The following DDX60L variants were observed in gnomAD, a reference collection of about 807,000 sequenced individuals.
DDX60L encodes the protein probable ATP-dependent RNA helicase DDX60-like.
Under a neutral mutation model 211.6 loss-of-function variants are expected in DDX60L, and 191 were observed. The observed-to-expected ratio is 0.90, with a 90% confidence interval of 0.80 to 1.02. DDX60L has a LOEUF of 1.02. Among genes scored for constraint, DDX60L ranks in the 50% least tolerant of loss-of-function variants. The probability of loss-of-function intolerance (pLI) is 0.00; values close to 1 mark genes in which losing one functional copy is unlikely to be tolerated. For synonymous variants in DDX60L, 706 were observed against 694.1 expected, an observed-to-expected ratio of 1.02 and a Z score of -0.27; for missense variants, 2,007 against 1,984.1, an observed-to-expected ratio of 1.01 and a Z score of -0.22.
intron 1 of DDX60L, among the ~76,000 whole-genome samples, chr4:168,478,819 G>T (rs550596413): frequency 6.6e-6 from 1 of 152,306 alleles, no homozygotes; most frequent in Non-Finnish European, 1.5e-5. Context: ...GTATATCTTT[G>T]GAGTGGTAAC....
chr4:168,443,362 A>G (rs1258479305), intron 9 of DDX60L, among the ~76,000 whole-genome samples: 28 of 152,060 alleles, frequency 1.8e-4, no homozygotes, highest in Admixed American at 1.8e-3. Context: ...AGCCTCCAAG[A>G]TATATGGGAC....
intron 28 of DDX60L, among the ~76,000 whole-genome samples, chr4:168,392,237 T>C (rs759522059): frequency 2.6e-5 from 4 of 152,230 alleles, no homozygotes; most frequent in Non-Finnish European, 4.4e-5. Flanking sequence ...ATCTAATTAA[T>C]TGAAGGATAA....
At chr4:168,462,611 G>A (rs779831621) in intron 4 of DDX60L, among the ~76,000 whole-genome samples, 10 of 152,220 alleles carry the variant, frequency 6.6e-5, no homozygotes, top group African/African-American at 2.2e-4. Context: ...TCAGGAGGAC[G>A]AGACCAGTCT....
intron 4 of DDX60L, among the ~76,000 whole-genome samples, chr4:168,465,301 A>T (rs1196560886): frequency 2.0e-5 from 3 of 152,070 alleles, no homozygotes; most frequent in African/African-American, 2.4e-5. Flanking sequence ...CTATTGAGAG[A>T]TGCCTATTCA....
intron 35 of DDX60L, among the ~76,000 whole-genome samples, chr4:168,372,897 C>T (rs1269223626): frequency 6.6e-6 from 1 of 152,092 alleles, no homozygotes; most frequent in Non-Finnish European, 1.5e-5. Flanking sequence ...TATCAAATAG[C>T]TTTGATATCT....
chr4:168,411,405 G>A (rs760499452), intron 22 of DDX60L, among the ~76,000 whole-genome samples: 3 of 152,182 alleles, frequency 2.0e-5, no homozygotes, highest in Non-Finnish European at 4.4e-5. Flanking sequence ...GAGAGTCTGT[G>A]CACTTGGAAG....
chr4:168,387,034 C>T (rs1744015190), intron 29 of DDX60L, among the ~76,000 whole-genome samples: 1 of 152,092 alleles, frequency 6.6e-6, no homozygotes, highest in Non-Finnish European at 1.5e-5. Flanking sequence ...CGATGCTATC[C>T]ATCATCTACA....
At chr4:168,431,765 G>A (rs567598986) in intron 12 of DDX60L, among the ~76,000 whole-genome samples, 6 of 152,060 alleles carry the variant, frequency 3.9e-5, no homozygotes, top group South Asian at 4.2e-4. Context: ...AATAAACATC[G>A]GATTGGAGAA....
Position 168,462,234 on chromosome 4 carries a change from C to T in DDX60L, c.265-194G>A, listed in dbSNP as rs199607386. The stretch of plus-strand genomic sequence containing the variant: ...AAATGTGGATTATATAGATTCATCT[C>T]TTTTATTTGAGCAGGCATACACTAC... On this transcript the variant is annotated intron_variant, in intron 4 of 37. Coordinates refer to ENST00000682922, the MANE Select transcript of DDX60L (RefSeq NM_001012967.3). Among the ~76,000 whole-genome samples the T allele has an allele frequency of 1.6e-3, 247 of 152,288 alleles. 2 individuals carry two copies. The highest frequency in any genetic ancestry group is 5.7e-3 in the African/African-American group (237 of 41,562).
intron 5 of DDX60L, among the ~76,000 whole-genome samples, chr4:168,459,316 T>TATAAATAA (rs58602584): frequency 1.7e-4 from 26 of 151,754 alleles, no homozygotes; most frequent in African/African-American, 5.3e-4. Context: ...CGAGACCCTA[T>TATAAATAA]ATAAATAAAT....
chr4:168,432,719 T>A, intron 11 of DDX60L, 149 bp from the exon 12 acceptor site: 1 of 499,894 alleles, frequency 2.0e-6, no homozygotes, highest in South Asian at 4.0e-5. Flanking sequence ...ATAAAAACCC[T>A]GAATTTCTGC....
At chr4:168,390,386 T>C (rs901811517) in intron 29 of DDX60L, 24 of 1,205,158 alleles carry the variant, frequency 2.0e-5, no homozygotes, top group Admixed American at 8.8e-5. Context: ...AAAGGTGATA[T>C]GGTCTATAGC....
chr4:168,458,117 C>G, intron 5 of DDX60L, 109 bp from the exon 6 acceptor site: 2 of 605,062 alleles, frequency 3.3e-6, no homozygotes, highest in African/African-American at 1.8e-5. Flanking sequence ...TTATCTCATG[C>G]TGGTCAGAAT....
intron 14 of DDX60L, among the ~76,000 whole-genome samples, chr4:168,426,446 AGAAAACC>A (rs1284841618): frequency 1.3e-5 from 2 of 152,212 alleles, no homozygotes; most frequent in Non-Finnish European, 2.9e-5. Context: ...ATCTACACTT[AGAAAACC>A]GAAATATTTT....
chr4:168,421,377 T>G (rs565251007), intron 17 of DDX60L, among the ~76,000 whole-genome samples: 53 of 152,258 alleles, frequency 3.5e-4, no homozygotes, highest in African/African-American at 1.3e-3. Flanking sequence ...AATAGTTTCT[T>G]GGCCGGGCAC....
At chr4:168,406,377 G>A (rs911850389) in intron 23 of DDX60L, among the ~76,000 whole-genome samples, 9 of 152,120 alleles carry the variant, frequency 5.9e-5, no homozygotes, top group Admixed American at 5.9e-4. Flanking sequence ...TATCCCAAAA[G>A]CTAAAAGAAG....
intron 29 of DDX60L, among the ~76,000 whole-genome samples, chr4:168,387,218 G>T (rs1483057430): frequency 6.6e-6 from 1 of 152,154 alleles, no homozygotes; most frequent in Non-Finnish European, 1.5e-5. Context: ...AGATGTAAAG[G>T]TGTCAAAGGA....
chr4:168,422,378 T>C (rs1750771926), intron 16 of DDX60L, 146 bp downstream of exon 16: 1 of 725,884 alleles, frequency 1.4e-6, no homozygotes, highest in South Asian at 2.6e-5. Context: ...TGATTTCTCA[T>C]ACTCTAGTTA....
intron 24 of DDX60L, among the ~76,000 whole-genome samples, chr4:168,405,139 G>A (rs1446381310): frequency 5.3e-5 from 8 of 151,940 alleles, no homozygotes; most frequent in African/African-American, 1.9e-4. Flanking sequence ...CTCCAGAGTA[G>A]CTAGGATTAC....
Sources: gnomAD v4.1 joint callset for allele counts (sites outside exome capture counted in the v4.1 genomes callset) on GRCh38, gnomAD v4.1.1 for gene constraint, MANE v1.5 for transcripts, NCBI Gene and HGNC (gene_info 2026-07-23, HGNC 2026-07-21) for gene names.